TMEM38B: variants seen among roughly 807,000 people sequenced by gnomAD.
TMEM38B encodes the protein transmembrane protein 38B.
A neutral mutation model predicts 28.7 loss-of-function variants in TMEM38B; 24 were observed. That is an observed-to-expected ratio of 0.84 (90% CI 0.61 to 1.18). The LOEUF is 1.18. TMEM38B is among the 50% of genes most tolerant of loss of function. The probability of loss-of-function intolerance (pLI) is 0.00; values close to 1 mark genes in which losing one functional copy is unlikely to be tolerated. For synonymous variants in TMEM38B, 131 were observed against 127.7 expected (o/e 1.03, Z -0.17); for missense variants, 380 against 350.9 (o/e 1.08, Z -0.66).
chr9:105,709,466 A>G (rs927510005), intron 2 of TMEM38B, among the ~76,000 whole-genome samples: 4 of 152,208 alleles, frequency 2.6e-5, no homozygotes, highest in African/African-American at 7.2e-5. Flanking sequence ...ATTGTAACGA[A>G]TAATACATCT....
At chr9:105,721,923 G>T (rs912391864) in intron 3 of TMEM38B, among the ~76,000 whole-genome samples, 3 of 152,104 alleles carry the variant, frequency 2.0e-5, no homozygotes, top group African/African-American at 7.2e-5. Flanking sequence ...GAGCCTGAGT[G>T]TCTTATGATA....
chr9:105,730,124 A>G (rs1159025296), intron 4 of TMEM38B, among the ~76,000 whole-genome samples: 2 of 152,014 alleles, frequency 1.3e-5, no homozygotes, highest in African/African-American at 4.8e-5. Flanking sequence ...GTTGAATAGG[A>G]GTGGTGAGAG....
At position 105,774,026 on chromosome 9, in the gene TMEM38B, G is replaced by T. The variant is rs1302465952; in HGVS notation, c.822G>T (p.Pro274=). 3.7e-6 allele frequency: 6 copies of T among 1,613,678 alleles called. 1 individual carries two copies. In the African/African-American group the frequency reaches 5.3e-5, roughly 14 times the overall value. Reference sequence around the variant, plus strand: ...GCGTTGGGTCATTGGCCTCAAAGCCGGTAGATGTTGCCTCAGATAATGTTA... The same window carrying T: ...GCGTTGGGTCATTGGCCTCAAAGCCTGTAGATGTTGCCTCAGATAATGTTA... ...SNGVGSLASK[P]VDVASDNVKK... is the part of the protein sequence containing the mutation. The change falls in exon 6 of 6, where the codon CCG becomes CCT. Residue 274 remains proline (P), a synonymous_variant. Transcript: ENST00000374692.
intron 2 of TMEM38B, among the ~76,000 whole-genome samples, chr9:105,709,363 G>T (rs963882183): frequency 6.6e-6 from 1 of 151,986 alleles, no homozygotes; most frequent in Non-Finnish European, 1.5e-5. Flanking sequence ...GACAAACACG[G>T]GATAATTTTA....
chr9:105,742,645 T>C (rs2133608816), intron 4 of TMEM38B, among the ~76,000 whole-genome samples: 1 of 152,292 alleles, frequency 6.6e-6, no homozygotes, highest in Admixed American at 6.5e-5. Flanking sequence ...TCCAATGCCT[T>C]GCCCCAGTGC....
At chr9:105,702,420 T>A (rs1835492201) in intron 1 of TMEM38B, among the ~76,000 whole-genome samples, 1 of 152,162 alleles carries the variant, frequency 6.6e-6, no homozygotes, top group Non-Finnish European at 1.5e-5. Flanking sequence ...TGCAAGTAGT[T>A]CTTAAAAACA....
chr9:105,715,208 A>T (rs1836051130), intron 2 of TMEM38B, among the ~76,000 whole-genome samples: 1 of 152,194 alleles, frequency 6.6e-6, no homozygotes, highest in African/African-American at 2.4e-5. Flanking sequence ...TCCCATTTTA[A>T]CAATAAATGT....
rs760557602 is a variant in TMEM38B, at chr9:105,773,975, A to G, written c.771A>G (p.Lys257=). 1 of 1,613,822 alleles carries G rather than the reference A, an allele frequency of 6.2e-7. No homozygotes were observed. The highest frequency in any genetic ancestry group is 8.5e-7 in the Non-Finnish European group (1 of 1,179,808). ...AGCCGTTTTCATCATGTGAGAAGAA[A>G]AGTGAAGCAAAGTCACCTTCCAATG... ...WQQPFSSCEK[K]SEAKSPSNGV... The change falls in exon 6 of 6, where the codon AAA becomes AAG. Residue 257 remains lysine (K), a synonymous_variant. Coordinates refer to ENST00000374692, the MANE Select transcript of TMEM38B (RefSeq NM_018112.3).
intron 5 of TMEM38B, chr9:105,748,994 TA>T: frequency 8.7e-7 from 1 of 1,146,306 alleles, no homozygotes; most frequent in Non-Finnish European, 1.1e-6. Flanking sequence ...ACAGGATTTT[TA>T]AAAGGAAAAC....
intron 5 of TMEM38B, chr9:105,758,860 G>GA (rs1837930374): frequency 9.9e-7 from 1 of 1,007,612 alleles, no homozygotes; most frequent in African/African-American, 1.6e-5. Flanking sequence ...GTTGATAATA[G>GA]AAAACTAAGC....
Position 105,775,508 on chromosome 9 carries a change from A to G in TMEM38B, c.*1428A>G, listed in dbSNP as rs1306687131. 6.6e-6 allele frequency: 1 copy of G among 151,764 alleles called. No homozygotes were observed. Among genetic ancestry groups the G allele is most frequent in the Non-Finnish European group, 1.5e-5 (1 of 67,904 alleles). The allele number at this position is 151,764 out of a possible 1,614,324, so 9.4% of individuals were successfully genotyped here. A position where few individuals can be genotyped will look rare whatever the true frequency, so the allele number is the denominator to read the frequency against. ...TAGAAGTTTTTTTTTTGTTGTTGTT[A>G]TTTTAAATTTTTAACAAATATAAAC... On this transcript the variant is annotated 3_prime_UTR_variant, in exon 6 of 6. Transcript: ENST00000374692.
chr9:105,750,892 C>T (rs1326679392), intron 5 of TMEM38B, among the ~76,000 whole-genome samples: 2 of 152,148 alleles, frequency 1.3e-5, no homozygotes, highest in Admixed American at 6.6e-5. Context: ...ATTGTAAAAA[C>T]CGTTCTTTTC....
At chr9:105,759,828 A>G (rs1187993817) in intron 5 of TMEM38B, 52 of 1,603,176 alleles carry the variant, frequency 3.2e-5, no homozygotes, top group Non-Finnish European at 4.1e-5. Context: ...AATGCAAGTC[A>G]AAACAGCTTT....
chr9:105,719,134 A>G (rs1045285955), intron 2 of TMEM38B, among the ~76,000 whole-genome samples: 1 of 152,188 alleles, frequency 6.6e-6, no homozygotes. Context: ...CTTTTTGTAT[A>G]TACCTAAATT....
chr9:105,754,834 G>A (rs1470396366), intron 5 of TMEM38B, among the ~76,000 whole-genome samples: 1 of 152,128 alleles, frequency 6.6e-6, no homozygotes, highest in East Asian at 1.9e-4. Flanking sequence ...ACAAATCCAT[G>A]AGCTGGTTTT....
intron 5 of TMEM38B, chr9:105,758,588 C>G (rs968736280): frequency 2.0e-6 from 2 of 1,017,158 alleles, no homozygotes; most frequent in African/African-American, 3.2e-5. Flanking sequence ...TTGAAGATAT[C>G]AAAGGCAGGT....
At chr9:105,721,881 C>G (rs1021270072) in intron 3 of TMEM38B, among the ~76,000 whole-genome samples, 160 bp downstream of exon 3, 2 of 152,042 alleles carry the variant, frequency 1.3e-5, no homozygotes, top group African/African-American at 4.8e-5. Context: ...AAAGTTAATT[C>G]AAAACTAGTA....
chr9:105,744,367 C>T (rs1411206767), intron 4 of TMEM38B, among the ~76,000 whole-genome samples: 2 of 151,816 alleles, frequency 1.3e-5, no homozygotes, highest in Non-Finnish European at 2.9e-5. Context: ...TGAGTATTGT[C>T]AACCTGCCAT....
chr9:105,743,389 A>C (rs1837273594), intron 4 of TMEM38B, among the ~76,000 whole-genome samples: 1 of 152,244 alleles, frequency 6.6e-6, no homozygotes, highest in Non-Finnish European at 1.5e-5. Context: ...TAAATAAAAT[A>C]ATAAAATGGC....
Sources: allele counts gnomAD v4.1 joint callset (sites outside exome capture counted in the v4.1 genomes callset), GRCh38; gene constraint gnomAD v4.1.1; transcripts MANE v1.5; gene names NCBI Gene and HGNC (gene_info 2026-07-23, HGNC 2026-07-21).